The following ATXN3 variants were observed in gnomAD, a reference collection of about 807,000 sequenced individuals.
The protein encoded by ATXN3 is ataxin 3, also known as ataxin-3.
ATXN3 carries 28 observed loss-of-function variants against 58.2 expected under a neutral mutation model. The ratio of observed to expected loss-of-function variants is 0.48; its 90% CI spans 0.36 to 0.66. ATXN3 has a LOEUF of 0.66. ATXN3 is among the 30% of genes least tolerant of loss of function. The probability of loss-of-function intolerance (pLI) is 0.00; values close to 1 mark genes in which losing one functional copy is unlikely to be tolerated. For synonymous variants in ATXN3, 113 were observed against 138.5 expected (o/e 0.82, Z 1.29); for missense variants, 321 against 422.1 (o/e 0.76, Z 2.10).
intron 1 of ATXN3, among the ~76,000 whole-genome samples, chr14:92,098,200 G>C (rs1379500096): frequency 6.6e-6 from 1 of 151,932 alleles, no homozygotes; most frequent in Non-Finnish European, 1.5e-5. Flanking sequence ...TGAACTCCAG[G>C]GCTCAAGGGA....
intron 1 of ATXN3, among the ~76,000 whole-genome samples, chr14:92,099,802 G>A (rs1045252560): frequency 7.9e-5 from 12 of 152,240 alleles, no homozygotes; most frequent in African/African-American, 2.9e-4. Context: ...CAAAAAGGTC[G>A]AGGCTACAGT....
intron 5 of ATXN3, among the ~76,000 whole-genome samples, chr14:92,090,104 A>G (rs2063455606): frequency 6.6e-6 from 1 of 152,178 alleles, no homozygotes; most frequent in South Asian, 2.1e-4. Context: ...GCACTATCAC[A>G]TATAACATAT....
chr14:92,061,723 A>C lies in ATXN3; in HGVS notation c.*2597T>G, dbSNP rs2140199552. ...AGTAAATGGCAGTACCTGATGTATA[A>C]ACTATAGCTTTGAATAATTTTTAAC... On this transcript the variant is annotated 3_prime_UTR_variant, in exon 11 of 11. Transcript: ENST00000644486. 6.6e-6 allele frequency: 1 copy of C among 152,342 alleles called. No individual in the cohort carries two copies. Among genetic ancestry groups the C allele is most frequent in the African/African-American group, 2.4e-5 (1 of 41,566 alleles). The allele number at this position is 152,342 out of a possible 1,614,324, so 9.4% of individuals were successfully genotyped here.
chr14:92,048,987 A>C (rs563683077), intron 1 of ATXN3, among the ~76,000 whole-genome samples: 3 of 152,180 alleles, frequency 2.0e-5, no homozygotes, highest in Non-Finnish European at 4.4e-5. Context: ...GGCACCTCAG[A>C]CCATTTGCCC....
Position 92,064,157 on chromosome 14 carries a change from T to C in ATXN3, c.*163A>G, listed in dbSNP as rs2057981435. ...TAATATTTGGAAGATCATTATTTAG[T>C]CCTACAACCGACGCATTGTTCCACT... On this transcript the variant is annotated 3_prime_UTR_variant, in exon 11 of 11. Coordinates refer to ENST00000644486, the MANE Select transcript of ATXN3 (RefSeq NM_004993.6). 2.0e-6 allele frequency: 1 copy of C among 501,010 alleles called. No homozygotes were observed. Among genetic ancestry groups the C allele is most frequent in the Non-Finnish European group, 3.6e-6 (1 of 278,148 alleles). The allele number at this position is 501,010 out of a possible 1,614,324, so 31.0% of individuals were successfully genotyped here.
intron 9 of ATXN3, among the ~76,000 whole-genome samples, chr14:92,074,205 T>C (rs530321101): frequency 6.6e-6 from 1 of 151,846 alleles, no homozygotes; most frequent in Admixed American, 6.6e-5. Flanking sequence ...CGGGTGCCTG[T>C]AATCCCAGCT....
intron 2 of ATXN3, 150 bp from the exon 3 acceptor site, chr14:92,096,287 T>TA: frequency 6.6e-7 from 1 of 1,524,516 alleles, no homozygotes; most frequent in South Asian, 1.3e-5. Context: ...CAGATCCCTA[T>TA]AGGAAGAATG....
At chr14:92,045,418 T>A (rs2057422332) in intron 2 of ATXN3, among the ~76,000 whole-genome samples, 1 of 152,160 alleles carries the variant, frequency 6.6e-6, no homozygotes, top group Admixed American at 6.5e-5. Flanking sequence ...GGTGGCCTTC[T>A]CAGACCCTGT....
At chr14:92,100,237 TCTC>T (rs1195871062) in intron 1 of ATXN3, among the ~76,000 whole-genome samples, 4 of 152,142 alleles carry the variant, frequency 2.6e-5, no homozygotes, top group Admixed American at 2.0e-4. Context: ...AATATATACA[TCTC>T]CTATGATCTA....
intron 6 of ATXN3, among the ~76,000 whole-genome samples, chr14:92,086,723 G>A (rs888217745): frequency 2.0e-4 from 30 of 151,968 alleles, no homozygotes; most frequent in African/African-American, 7.3e-4. Flanking sequence ...AATAAAAATG[G>A]GGAGGCAGCT....
At chr14:92,096,623 CAAAAAAAAAAAAAA>C in intron 2 of ATXN3, 37 bp downstream of exon 2, 7 of 1,244,382 alleles carry the variant, frequency 5.6e-6, no homozygotes, top group Non-Finnish European at 7.5e-6. Context: ...GACTCCGTCT[CAAAAAAAAAAAAAA>C]AAAAGAAATG....
intron 1 of ATXN3, among the ~76,000 whole-genome samples, chr14:92,098,937 C>T (rs1489522739): frequency 2.6e-5 from 4 of 152,142 alleles, no homozygotes. Flanking sequence ...AACTGGCAAC[C>T]TGAATCCAAG....
intron 9 of ATXN3, chr14:92,079,561 T>A: frequency 1.8e-5 from 6 of 337,880 alleles, no homozygotes; most frequent in Non-Finnish European, 2.1e-5. Context: ...GCTAATATAC[T>A]GTCAATTATG....
chr14:92,083,449 T>A (rs2061826296), intron 6 of ATXN3, 191 bp from the exon 7 acceptor site: 1 of 684,728 alleles, frequency 1.5e-6, no homozygotes, highest in Admixed American at 2.3e-5. Flanking sequence ...TTACTTAAAG[T>A]CTCTGAGCCT....
chr14:92,103,319 A>G (rs2067307011), intron 1 of ATXN3, among the ~76,000 whole-genome samples: 1 of 152,222 alleles, frequency 6.6e-6, no homozygotes, highest in African/African-American at 2.4e-5. Context: ...AATGTGTGAC[A>G]GAGACTACAG....
chr14:92,093,212 A>G (rs369985856), intron 5 of ATXN3, 40 bp downstream of exon 5: 16 of 1,363,520 alleles, frequency 1.2e-5, no homozygotes, highest in Non-Finnish European at 1.4e-5. Flanking sequence ...AATGGGGTAC[A>G]ATATAAGAAA....
upstream of ATXN3, among the ~76,000 whole-genome samples, chr14:92,052,123 C>T (rs2140163751): frequency 6.6e-6 from 1 of 152,242 alleles, no homozygotes; most frequent in African/African-American, 2.4e-5. Flanking sequence ...GCTAGGAACT[C>T]TTTAACACTC....
At chr14:92,084,442 A>G (rs1325179882) in intron 6 of ATXN3, among the ~76,000 whole-genome samples, 3 of 152,198 alleles carry the variant, frequency 2.0e-5, no homozygotes, top group Non-Finnish European at 4.4e-5. Flanking sequence ...AAAGAATTAC[A>G]TTAGTCTAGT....
At chr14:92,055,726 C>A (rs1419457023), downstream of ATXN3, among the ~76,000 whole-genome samples, 1 of 152,180 alleles carries the variant, frequency 6.6e-6, no homozygotes, top group Non-Finnish European at 1.5e-5. The surrounding 1 kb of genome is among the most constrained non-coding windows in gnomAD (Gnocchi z 4.5). Flanking sequence ...TTTGGGAGGC[C>A]GAGGCGGGTG....
Sources: gnomAD v4.1 joint callset for allele counts (sites outside exome capture counted in the v4.1 genomes callset) on GRCh38, gnomAD v4.1.1 for gene constraint, Gnocchi (gnomAD v3.1) non-coding constraint, MANE v1.5 for transcripts, NCBI Gene and HGNC (gene_info 2026-07-23, HGNC 2026-07-21) for gene names.